Variants in ZNF529 observed in about 807,000 individuals in gnomAD.
ZNF529 encodes zinc finger protein 529.
Under a neutral mutation model 10.1 loss-of-function variants are expected in ZNF529, and 11 were observed. The observed-to-expected ratio is 1.09, with a 90% CI of 0.69 to 1.81. ZNF529 has a LOEUF of 1.81. Ranked by LOEUF, ZNF529 falls within the 40% of genes most tolerant of loss-of-function variation. ZNF529 has a pLI of 0.00. For missense variants in ZNF529, 624 were observed against 666.8 expected (o/e 0.94, Z 0.71); for synonymous variants, 204 against 215.7 (o/e 0.95, Z 0.47).
chr19:36,548,960 A>G (rs1406799331), intron 4 of ZNF529, among the ~76,000 whole-genome samples: 3 of 152,168 alleles, frequency 2.0e-5, no homozygotes, highest in Non-Finnish European at 2.9e-5. Flanking sequence ...CTGAGATTGC[A>G]CCACTGCACT....
rs1251284269 is a variant in ZNF529 at position 36,546,797 on chromosome 19, A to G, written c.*69T>C. The G allele has an allele frequency of 1.3e-6, 2 of 1,495,492 alleles. No homozygotes were observed. Among genetic ancestry groups the G allele is most frequent in the Non-Finnish European group, 1.8e-6 (2 of 1,111,716 alleles). 92.6% of individuals were successfully genotyped at this position (1,495,492 alleles called of 1,614,324 possible). On this transcript the variant is annotated 3_prime_UTR_variant, in exon 5 of 5. Coordinates refer to ENST00000591340, the MANE Select transcript of ZNF529 (RefSeq NM_020951.5). The stretch of plus-strand genomic sequence containing the variant: ...AGGGAGATACTGAATTGCCTTGATT[A>G]CCTATTAAATCCATCCACAGTATTT...
chr19:36,562,833 GA>G (rs35402563), intron 2 of ZNF529, among the ~76,000 whole-genome samples: 45,370 of 118,250 alleles, frequency 0.38, 7,922 homozygotes, highest in African/African-American at 0.52. Context: ...TCTGTCTCCA[GA>G]AAAAAAAAAA....
At position 36,592,284 on chromosome 19, in the gene ZNF529, CAAAAAAAAAAA is replaced by C. The variant is rs35717465; in HGVS notation, c.-127-2594_-127-2584del. On this transcript the variant is annotated intron_variant, in intron 1 of 4. Coordinates refer to the ZNF529 transcript ENST00000585960. ...TGGGCAACAGAGCAAGACTTTGTCT[CAAAAAAAAAAA>C]AAAAAAAAAAAAGAAAGGCCTGGTA... 8.0e-5 allele frequency among the ~76,000 whole-genome samples: 4 copies of C among 49,850 alleles called. No individual in the cohort carries two copies. The Admixed American group carries it at 8.6e-4, about 11-fold the overall frequency. 32.7% of individuals were successfully genotyped at this position (49,850 alleles called of 152,430 possible). A position where few individuals can be genotyped will look rare whatever the true frequency, so the allele number is the denominator to read the frequency against.
At position 36,562,539 on chromosome 19, in the gene ZNF529, T is replaced by C. The variant is rs563815488; in HGVS notation, c.15-6342A>G. ...TCAGGTGTTGCCAATGTGATAGTATTAGAAGGTGGAGCCTGGCCGGGCGCG... is the reference window on the plus strand; with the variant it reads ...TCAGGTGTTGCCAATGTGATAGTATCAGAAGGTGGAGCCTGGCCGGGCGCG... On this transcript the variant is annotated intron_variant, in intron 2 of 4. Transcript: ENST00000591340. Among the ~76,000 whole-genome samples, 55 of 151,784 alleles carry C rather than the reference T, an allele frequency of 3.6e-4. 1 individual carries two copies. The South Asian group carries it at 0.011, about 30-fold the overall frequency.
upstream of ZNF529, chr19:36,574,713 A>G: frequency 2.3e-6 from 1 of 427,960 alleles, no homozygotes; most frequent in South Asian, 1.8e-5. Flanking sequence ...TGTGTGTGAG[A>G]TTTCATGTGT....
chr19:36,562,861 C>A (rs2035760895), intron 2 of ZNF529, among the ~76,000 whole-genome samples: 3 of 151,366 alleles, frequency 2.0e-5, no homozygotes, highest in Non-Finnish European at 2.9e-5. Context: ...GAAGGTGGAG[C>A]CTTTAAGAGG....
intron 1 of ZNF529, among the ~76,000 whole-genome samples, chr19:36,590,339 C>T (rs1036658568): frequency 1.3e-5 from 2 of 152,098 alleles, no homozygotes; most frequent in Non-Finnish European, 2.9e-5. Flanking sequence ...CACACCACTA[C>T]ACTCCAGCCC....
At chr19:36,566,321 C>T (rs1414528310) in intron 2 of ZNF529, among the ~76,000 whole-genome samples, 2 of 152,062 alleles carry the variant, frequency 1.3e-5, no homozygotes, top group African/African-American at 4.8e-5. Flanking sequence ...AGAACACATG[C>T]TAAGAAAACA....
intron 2 of ZNF529, among the ~76,000 whole-genome samples, chr19:36,557,575 A>G (rs2035527773): frequency 6.6e-6 from 1 of 152,230 alleles, no homozygotes. Flanking sequence ...TGATTCAATT[A>G]TCTCCACCTG....
intron 1 of ZNF529, among the ~76,000 whole-genome samples, chr19:36,602,335 C>T (rs1251671727): frequency 6.6e-6 from 1 of 152,070 alleles, no homozygotes; most frequent in African/African-American, 2.4e-5. Context: ...TGTGAGCCAC[C>T]GCGCCTGGCC....
Position 36,598,480 on chromosome 19 carries a change from C to G in ZNF529, c.-128+6646G>C, listed in dbSNP as rs576956869. On this transcript the variant is annotated intron_variant, in intron 1 of 4. Transcript: ENST00000585960. ...TGTGCCTTGATTGCACCACTGCAAC[C>G]CAGCCTGGGTGACAGAGCAAGACCC... is the stretch of plus-strand genomic sequence containing the variant. 2.6e-5 allele frequency among the ~76,000 whole-genome samples: 4 copies of G among 151,844 alleles called. No homozygotes were observed. In the South Asian group the frequency reaches 8.3e-4, roughly 32 times the overall value.
intron 2 of ZNF529, among the ~76,000 whole-genome samples, chr19:36,565,798 A>C (rs1029209411): frequency 3.3e-5 from 5 of 152,226 alleles, no homozygotes; most frequent in South Asian, 4.1e-4. Flanking sequence ...TTATTTCCCC[A>C]ATATGATTTA....
chr19:36,588,315 G>A (rs1600353729), intron 2 of ZNF529, among the ~76,000 whole-genome samples: 1 of 152,190 alleles, frequency 6.6e-6, no homozygotes, highest in East Asian at 1.9e-4. Context: ...GTCTCCAGTA[G>A]TGGTTTAATG....
chr19:36,578,786 A>G (rs1190232846), intron 2 of ZNF529, among the ~76,000 whole-genome samples: 6 of 151,788 alleles, frequency 4.0e-5, no homozygotes, highest in Admixed American at 3.9e-4. Flanking sequence ...TTTTTAGTAC[A>G]GATGGTTTCG....
intron 2 of ZNF529, among the ~76,000 whole-genome samples, chr19:36,565,376 A>G (rs1371382375): frequency 1.3e-5 from 2 of 152,180 alleles, no homozygotes; most frequent in African/African-American, 4.8e-5. Flanking sequence ...TGGAATAAAA[A>G]GACAGTAGAA....
At chr19:36,561,042 T>C (rs1430179976) in intron 2 of ZNF529, among the ~76,000 whole-genome samples, 5 of 152,236 alleles carry the variant, frequency 3.3e-5, no homozygotes, top group South Asian at 4.1e-4. Flanking sequence ...ATCATGACAA[T>C]AGGAGAATGA....
chr19:36,561,882 G>C (rs1257976789), intron 2 of ZNF529, among the ~76,000 whole-genome samples: 1 of 152,236 alleles, frequency 6.6e-6, no homozygotes, highest in Non-Finnish European at 1.5e-5. Flanking sequence ...GCCCTGTTCA[G>C]TTTTGGACCT....
chr19:36,572,490 C>T (rs2036159342), intron 1 of ZNF529, 98 bp from the exon 2 acceptor site: 6 of 913,258 alleles, frequency 6.6e-6, no homozygotes, highest in Non-Finnish European at 6.7e-6. Flanking sequence ...ACACAACAAA[C>T]ACACCCAGAT....
At position 36,572,319 on chromosome 19, in the gene ZNF529, A is replaced by C. The variant is rs1344351651; in HGVS notation, c.14+14T>G. The stretch of plus-strand genomic sequence containing the variant: ...ACCAAGGGACCAGGTAAATGAACAA[A>C]AAAAAAAACTAACCTTGAGTTGGCC... On this transcript the variant is annotated intron_variant, in intron 2 of 4. Transcript: ENST00000591340. 3 of 1,550,492 alleles carry C rather than the reference A, an allele frequency of 1.9e-6. No individual in the cohort carries two copies. Among genetic ancestry groups the C allele is most frequent in the Middle Eastern group, 1.7e-4 (1 of 5,990 alleles).
Sources: gnomAD v4.1 joint callset for allele counts (sites outside exome capture counted in the v4.1 genomes callset) on GRCh38, gnomAD v4.1.1 for gene constraint, MANE v1.5 for transcripts, NCBI Gene and HGNC (gene_info 2026-07-23, HGNC 2026-07-21) for gene names.